The following ARHGAP25 variants were observed in gnomAD, a reference collection of about 807,000 sequenced individuals.
ARHGAP25 encodes Rho GTPase activating protein 25.
A neutral mutation model predicts 71.0 loss-of-function variants in ARHGAP25; 34 were observed. That is an observed-to-expected ratio of 0.48 (90% CI 0.36 to 0.64). The LOEUF (loss-of-function observed/expected upper bound fraction) is 0.64, where lower values mean the gene tolerates loss of function less well. Among genes scored for constraint, ARHGAP25 ranks in the 30% least tolerant of loss-of-function variants. The probability of loss-of-function intolerance (pLI) is 0.00; values close to 1 mark genes in which losing one functional copy is unlikely to be tolerated. For synonymous variants in ARHGAP25, 282 were observed against 296.5 expected, an observed-to-expected ratio of 0.95 and a Z score of 0.50; for missense variants, 706 against 805.1, an observed-to-expected ratio of 0.88 and a Z score of 1.49.
rs1036796546 is a variant in ARHGAP25, at chr2:68,813,382, T to G, written c.770T>G (p.Leu257Arg). The G allele has an allele frequency of 5.6e-6, 9 of 1,613,872 alleles. No individual in the cohort carries two copies. The highest frequency in any genetic ancestry group is 5.9e-6 in the Non-Finnish European group (7 of 1,179,934). Residue 257 changes from leucine (L) to arginine (R), a missense_variant, in exon 6 of 11, where the codon CTG becomes CGG. Coordinates refer to ENST00000409202, the MANE Select transcript of ARHGAP25 (RefSeq NM_001007231.3). ...VVPWSQYEGF[L>R]LCGQLTNADE... ...CCCTGGAGCCAGTACGAAGGGTTCC[T>G]GCTCTGTGGGCAGCTCACGAATGCG... is the stretch of plus-strand genomic sequence containing the variant.
chr2:68,779,720 C>G (rs1285378697), intron 2 of ARHGAP25, among the ~76,000 whole-genome samples: 1 of 152,212 alleles, frequency 6.6e-6, no homozygotes, highest in East Asian at 1.9e-4. Flanking sequence ...CATCTTTATA[C>G]AGAGCCCACC....
At chr2:68,762,941 A>C (rs1277530064) in intron 1 of ARHGAP25, among the ~76,000 whole-genome samples, 3 of 152,254 alleles carry the variant, frequency 2.0e-5, no homozygotes, top group African/African-American at 7.2e-5. Context: ...AATGTTTGAC[A>C]GCTTTGAAGA....
At chr2:68,824,695 TCA>T (rs1681977073) in intron 10 of ARHGAP25, among the ~76,000 whole-genome samples, 4 of 151,834 alleles carry the variant, frequency 2.6e-5, no homozygotes, top group East Asian at 1.9e-4. Context: ...TGAGCCGAGA[TCA>T]TGCCACTGCA....
At chr2:68,718,589 A>T (rs1674677085) in intron 2 of ARHGAP25, among the ~76,000 whole-genome samples, 1 of 150,360 alleles carries the variant, frequency 6.7e-6, no homozygotes, top group African/African-American at 2.5e-5. Context: ...CTAGACAGAT[A>T]GATAGGTACA....
chr2:68,732,408 C>T (rs1388254373), upstream of ARHGAP25, among the ~76,000 whole-genome samples: 2 of 152,214 alleles, frequency 1.3e-5, no homozygotes, highest in Admixed American at 6.5e-5. Context: ...TAGATGGTGT[C>T]GAATTCCCCC....
chr2:68,819,851 C>G (rs897440232), intron 9 of ARHGAP25: 12 of 213,368 alleles, frequency 5.6e-5, no homozygotes, highest in African/African-American at 2.5e-4. Context: ...TGTCCAAAAG[C>G]TCTGCTGACT....
At chr2:68,729,022 T>A (rs923372641) in intron 2 of ARHGAP25, among the ~76,000 whole-genome samples, 7 of 152,342 alleles carry the variant, frequency 4.6e-5, no homozygotes, top group Admixed American at 4.6e-4. Flanking sequence ...AGTATATGAC[T>A]TCATTATGTG....
intron 2 of ARHGAP25, among the ~76,000 whole-genome samples, chr2:68,719,881 A>T (rs1444546230): frequency 1.3e-5 from 2 of 152,150 alleles, no homozygotes; most frequent in African/African-American, 4.8e-5. Context: ...TTCTCTTGGT[A>T]CCTGACTCAT....
At chr2:68,712,005 T>C (rs2104244284) in intron 2 of ARHGAP25, among the ~76,000 whole-genome samples, 1 of 152,372 alleles carries the variant, frequency 6.6e-6, no homozygotes, top group Non-Finnish European at 1.5e-5. Flanking sequence ...AGTAGAATGA[T>C]TTATAATCCT....
intron 9 of ARHGAP25, 119 bp downstream of exon 9, chr2:68,819,438 G>GC: frequency 1.0e-6 from 1 of 991,272 alleles, no homozygotes; most frequent in Non-Finnish European, 1.6e-6. Flanking sequence ...GTGGCAGTGG[G>GC]CGCTGCTGCT....
chr2:68,725,959 T>G (rs1674872948), intron 2 of ARHGAP25, among the ~76,000 whole-genome samples: 1 of 152,092 alleles, frequency 6.6e-6, no homozygotes, highest in African/African-American at 2.4e-5. Flanking sequence ...TTCTGTGAAA[T>G]GTCACCTTCG....
At position 68,819,518 on chromosome 2, in the gene ARHGAP25, G is replaced by C; in HGVS notation, c.1200+199G>C. 7 of 709,688 alleles carry C rather than the reference G, an allele frequency of 9.9e-6. No individual in the cohort carries two copies. In the South Asian group the frequency reaches 1.0e-4, roughly 11 times the overall value. The allele number at this position is 709,688 out of a possible 1,614,324, so 44.0% of individuals were successfully genotyped here. ...ATCTAGTTTCTATTGGCATCTTTGA[G>C]GGGGGTGAGTGACAAGTGTGCCAAT... On this transcript the variant is annotated intron_variant, in intron 9 of 10. Transcript: ENST00000409202.
intron 2 of ARHGAP25, among the ~76,000 whole-genome samples, chr2:68,721,388 C>T (rs965031068): frequency 6.6e-6 from 1 of 152,218 alleles, no homozygotes; most frequent in Admixed American, 6.5e-5. Context: ...AATTACTCCT[C>T]CATTCCACAC....
intron 10 of ARHGAP25, among the ~76,000 whole-genome samples, chr2:68,823,177 T>A (rs1446824460): frequency 3.5e-5 from 5 of 142,886 alleles, no homozygotes; most frequent in African/African-American, 9.2e-5. Context: ...TAATTTTTTT[T>A]ATGTTAAGGT....
At chr2:68,770,493 T>C (rs974987704) in intron 1 of ARHGAP25, among the ~76,000 whole-genome samples, 11 of 152,184 alleles carry the variant, frequency 7.2e-5, no homozygotes, top group South Asian at 4.1e-4. Flanking sequence ...GAGAGCAGAT[T>C]ATTTTGAGGG....
intron 4 of ARHGAP25, among the ~76,000 whole-genome samples, chr2:68,804,449 C>T (rs1680218991): frequency 6.6e-6 from 1 of 152,160 alleles, no homozygotes; most frequent in African/African-American, 2.4e-5. Context: ...TCAATCATGT[C>T]CTATCAATTT....
intron 7 of ARHGAP25, 61 bp downstream of exon 7, chr2:68,816,423 T>C: frequency 8.6e-6 from 12 of 1,393,628 alleles, no homozygotes; most frequent in Non-Finnish European, 1.2e-5. Context: ...AGCTCCTAGT[T>C]AGAAGAGGAG....
At chr2:68,714,378 C>T (rs1261044432) in intron 2 of ARHGAP25, among the ~76,000 whole-genome samples, 1 of 151,564 alleles carries the variant, frequency 6.6e-6, no homozygotes, top group African/African-American at 2.4e-5. Context: ...TCTCTCTTTT[C>T]TTCTTTATTA....
At position 68,767,617 on chromosome 2, in the gene ARHGAP25, G is replaced by A. The variant is rs1265594206; in HGVS notation, c.62-7604G>A. On this transcript the variant is annotated intron_variant, in intron 1 of 10. Transcript: ENST00000409202. The surrounding 1 kb of genome is among the most constrained non-coding windows in gnomAD (Gnocchi z 4.6). ...TTAGCTCACTCTCTCTCCCTCCCAT[G>A]CCTCGGCCACGTGGGACCTTGCTCA... 6.6e-6 allele frequency among the ~76,000 whole-genome samples: 1 copy of A among 152,110 alleles called. No homozygotes were observed. Among genetic ancestry groups the A allele is most frequent in the Non-Finnish European group, 1.5e-5 (1 of 68,022 alleles).
Sources: allele counts gnomAD v4.1 joint callset (sites outside exome capture counted in the v4.1 genomes callset), GRCh38; gene constraint gnomAD v4.1.1; non-coding constraint Gnocchi (gnomAD v3.1); transcripts MANE v1.5; gene names NCBI Gene and HGNC (gene_info 2026-07-23, HGNC 2026-07-21).